Variants in ARFGEF3 observed in about 807,000 individuals in gnomAD.
ARFGEF3 encodes brefeldin A-inhibited guanine nucleotide-exchange protein 3.
Under a neutral mutation model 221.7 loss-of-function variants are expected in ARFGEF3, and 96 were observed. The ratio of observed to expected loss-of-function variants is 0.43; its 90% CI spans 0.37 to 0.51. The LOEUF (loss-of-function observed/expected upper bound fraction) is 0.51. Among genes scored for constraint, ARFGEF3 ranks in the 20% least tolerant of loss-of-function variants. The pLI, the probability that ARFGEF3 is intolerant of heterozygous loss-of-function variation, is 0.00. For synonymous variants in ARFGEF3, 1,145 were observed against 1,126.8 expected (o/e 1.02, Z -0.32); for missense variants, 2,410 against 2,789.9 (o/e 0.86, Z 3.07).
intron 2 of ARFGEF3, among the ~76,000 whole-genome samples, chr6:138,190,446 C>T (rs888054809): frequency 3.3e-5 from 5 of 152,062 alleles, no homozygotes; most frequent in Non-Finnish European, 7.3e-5. Context: ...TGATTCTGAG[C>T]CTTAAATGGT....
chr6:138,179,775 C>T (rs940993177), intron 2 of ARFGEF3, among the ~76,000 whole-genome samples: 4 of 152,128 alleles, frequency 2.6e-5, no homozygotes, highest in Admixed American at 6.5e-5. Flanking sequence ...AACCCTGGAG[C>T]GACTTCTGCA....
intron 31 of ARFGEF3, among the ~76,000 whole-genome samples, chr6:138,326,298 T>C (rs564243000): frequency 6.6e-6 from 1 of 152,276 alleles, no homozygotes; most frequent in Admixed American, 6.5e-5. Context: ...AGTATTCTAG[T>C]CTTGCCGGGC....
At chr6:138,189,527 A>G (rs780439951) in intron 2 of ARFGEF3, among the ~76,000 whole-genome samples, 7 of 152,250 alleles carry the variant, frequency 4.6e-5, no homozygotes, top group Non-Finnish European at 1.0e-4. Flanking sequence ...AGAGTATACA[A>G]TGAAATTAGG....
rs1258251210 is a variant in ARFGEF3 at position 138,324,268 on chromosome 6, C to T, written c.5001+114C>T. The T allele has an allele frequency of 4.0e-6, 5 of 1,236,332 alleles. No individual in the cohort carries two copies. In the African/African-American group the frequency reaches 7.6e-5, roughly 19 times the overall value. 76.6% of individuals were successfully genotyped at this position (1,236,332 alleles called of 1,614,324 possible). On this transcript the variant is annotated intron_variant, in intron 31 of 33. Coordinates refer to ENST00000251691, the MANE Select transcript of ARFGEF3 (RefSeq NM_020340.5). ...TGCCTTTCATTCCCTGAGGGACATACACCTTGTAGCTCCCAACTCTTGCCA... is the reference window on the plus strand; with the variant it reads ...TGCCTTTCATTCCCTGAGGGACATATACCTTGTAGCTCCCAACTCTTGCCA...
chr6:138,330,022 C>T (rs1350329665), intron 32 of ARFGEF3, among the ~76,000 whole-genome samples: 1 of 152,006 alleles, frequency 6.6e-6, no homozygotes, highest in Non-Finnish European at 1.5e-5. Context: ...ACAAGGTGCT[C>T]AGTAGGGGAG....
At chr6:138,296,068 C>T (rs1008639401) in intron 20 of ARFGEF3, among the ~76,000 whole-genome samples, 3 of 152,116 alleles carry the variant, frequency 2.0e-5, no homozygotes, top group South Asian at 2.1e-4. Context: ...TGGCAAACCC[C>T]GCCCCCCATA....
intron 12 of ARFGEF3, among the ~76,000 whole-genome samples, chr6:138,267,089 T>C (rs1293434804): frequency 6.6e-6 from 1 of 151,470 alleles, no homozygotes; most frequent in Non-Finnish European, 1.5e-5. Flanking sequence ...TGTATTAGAG[T>C]GCAGCATGGC....
At chr6:138,296,992 T>C in intron 21 of ARFGEF3, 37 bp downstream of exon 21, 2 of 1,585,590 alleles carry the variant, frequency 1.3e-6, no homozygotes, top group Non-Finnish European at 1.7e-6. Context: ...CTGGAACTGC[T>C]AAGTCAGTGA....
Position 138,336,297 on chromosome 6 carries a change from A to C in ARFGEF3, c.6345A>C (p.Ala2115=). 1 of 1,541,464 alleles carries C rather than the reference A, an allele frequency of 6.5e-7. No homozygotes were observed. The highest frequency in any genetic ancestry group is 8.8e-7 in the Non-Finnish European group (1 of 1,140,854). Residue 2115 remains alanine (A), a splice_region_variant and synonymous_variant, in exon 34 of 34, where the codon GCA becomes GCC. Coordinates refer to ENST00000251691, the MANE Select transcript of ARFGEF3 (RefSeq NM_020340.5). The part of the protein sequence containing the change: ...SVRDAEAQIQ[A]WTNMVLTVLN... ...TTTTCTTAAATCTTTTCTCTTAGGCATGGACCAACATGGTGCTAACAGTTC... is the reference window on the plus strand; with the variant it reads ...TTTTCTTAAATCTTTTCTCTTAGGCCTGGACCAACATGGTGCTAACAGTTC...
intron 15 of ARFGEF3, among the ~76,000 whole-genome samples, 163 bp from the exon 16 acceptor site, chr6:138,286,538 A>G (rs1048013531): frequency 2.0e-5 from 3 of 152,268 alleles, no homozygotes; most frequent in Admixed American, 2.0e-4. Context: ...ATTATTTATA[A>G]GAACAAAGTG....
chr6:138,201,151 T>C (rs971049256), intron 2 of ARFGEF3, among the ~76,000 whole-genome samples: 1 of 152,162 alleles, frequency 6.6e-6, no homozygotes. Flanking sequence ...ATGGCCATAA[T>C]CAAAAAATTT....
intron 33 of ARFGEF3, 146 bp downstream of exon 33, chr6:138,335,334 C>A: frequency 2.7e-6 from 2 of 747,268 alleles, no homozygotes; most frequent in Non-Finnish European, 4.0e-6. Flanking sequence ...AGTCAGAGGA[C>A]TGCCTGAACC....
intron 4 of ARFGEF3, among the ~76,000 whole-genome samples, chr6:138,212,618 A>G (rs1164901050): frequency 6.6e-6 from 1 of 152,246 alleles, no homozygotes; most frequent in Non-Finnish European, 1.5e-5. Flanking sequence ...AAAGACTTGG[A>G]ACCAACCCAT....
chr6:138,323,140 T>C (rs1393752201), intron 29 of ARFGEF3, among the ~76,000 whole-genome samples: 1 of 152,146 alleles, frequency 6.6e-6, no homozygotes, highest in Non-Finnish European at 1.5e-5. Context: ...CGTTTAATGA[T>C]TGGCCTATTT....
At chr6:138,185,032 C>T (rs748462408) in intron 2 of ARFGEF3, among the ~76,000 whole-genome samples, 3 of 152,220 alleles carry the variant, frequency 2.0e-5, no homozygotes, top group Middle Eastern at 3.2e-3. Flanking sequence ...CATCCAACTG[C>T]TCCTTATCCT....
intron 2 of ARFGEF3, among the ~76,000 whole-genome samples, chr6:138,183,358 G>C (rs1777118514): frequency 6.6e-6 from 1 of 152,232 alleles, no homozygotes; most frequent in South Asian, 2.1e-4. Flanking sequence ...AAAGTCAACA[G>C]GAGGATTTGA....
At chr6:138,314,113 G>T (rs936796943) in intron 26 of ARFGEF3, among the ~76,000 whole-genome samples, 174 bp downstream of exon 26, 3 of 152,162 alleles carry the variant, frequency 2.0e-5, no homozygotes, top group African/African-American at 7.2e-5. Context: ...AGTTCTGGAG[G>T]CTGAGAAGCC....
rs1319813009 is a variant in ARFGEF3, at chr6:138,305,903, C to T, written c.3829-1350C>T. Among the ~76,000 whole-genome samples the T allele has an allele frequency of 3.3e-5, 5 of 152,096 alleles. No homozygotes were observed. The South Asian group carries it at 8.3e-4, about 25-fold the overall frequency. The stretch of plus-strand genomic sequence containing the variant: ...TGAGAATCCTACATCTAACATCACA[C>T]TTAATGATGAAAGACAGTGTTTTTC... On this transcript the variant is annotated intron_variant, in intron 22 of 33. Transcript: ENST00000251691.
At chr6:138,193,940 AGAG>A (rs1777360536) in intron 2 of ARFGEF3, among the ~76,000 whole-genome samples, 1 of 152,114 alleles carries the variant, frequency 6.6e-6, no homozygotes, top group Non-Finnish European at 1.5e-5. Flanking sequence ...CATTTTTTTA[AGAG>A]GTAGCTCTAC....
Sources: gnomAD v4.1 joint callset for allele counts (sites outside exome capture counted in the v4.1 genomes callset) on GRCh38, gnomAD v4.1.1 for gene constraint, MANE v1.5 for transcripts, NCBI Gene and HGNC (gene_info 2026-07-23, HGNC 2026-07-21) for gene names.